The following ZSCAN9 variants were observed in gnomAD, a reference collection of about 807,000 sequenced individuals.
The protein encoded by ZSCAN9 is zinc finger and SCAN domain containing 9, also known as zinc finger and SCAN domain-containing protein 9.
Under a neutral mutation model 23.0 loss-of-function variants are expected in ZSCAN9, and 19 were observed. The observed-to-expected ratio is 0.83, with a 90% CI of 0.58 to 1.21. The LOEUF (loss-of-function observed/expected upper bound fraction) is 1.21, where lower values mean the gene tolerates loss of function less well. ZSCAN9 is among the 50% of genes most tolerant of loss of function. The pLI, the probability that ZSCAN9 is intolerant of heterozygous loss-of-function variation, is 0.00. For missense variants in ZSCAN9, 467 were observed against 471.5 expected (o/e 0.99, Z 0.09); for synonymous variants, 155 against 164.8 (o/e 0.94, Z 0.46).
At position 28,232,940 on chromosome 6, in the gene ZSCAN9, G is replaced by A; in HGVS notation, c.947G>A (p.Gly316Glu). ...IQKRYHCKEC[G>E]KVFSQSAGLI... ...AAACGGTACCACTGCAAGGAGTGTG[G>A]GAAGGTCTTCAGTCAGAGTGCGGGT... The change falls in exon 4 of 4, where the codon GGG becomes GAG. Residue 316 changes from glycine to glutamate, a missense_variant. Physicochemically the swap from Gly to Glu is moderately conservative, Grantham distance 98. Transcript: ENST00000252207. The A allele has an allele frequency of 6.2e-7, 1 of 1,614,174 alleles. No individual in the cohort carries two copies. The highest frequency in any genetic ancestry group is 8.5e-7 in the Non-Finnish European group (1 of 1,180,040).
chr6:28,227,200 G>T lies in ZSCAN9; in HGVS notation c.116G>T (p.Arg39Ile), dbSNP rs916447406. 6.8e-6 allele frequency: 11 copies of T among 1,614,212 alleles called. No individual in the cohort carries two copies. Among genetic ancestry groups the T allele is most frequent in the Non-Finnish European group, 9.3e-6 (11 of 1,180,034 alleles). The change falls in exon 2 of 4, where the codon AGA (arginine) becomes ATA (isoleucine). Residue 39 changes from arginine to isoleucine, a missense_variant. Transcript: ENST00000252207. ...AGTCACCTTCAATGGCAGGAATCCA[G>T]ACTGAAACGCAGTAATCCACTGGCA... ...AKSHLQWQES[R>I]LKRSNPLARE...
chr6:28,227,323 G>T lies in ZSCAN9; in HGVS notation c.239G>T (p.Trp80Leu). Residue 80 changes from tryptophan (W) to leucine (L), a missense_variant, in exon 2 of 4, where the codon TGG becomes TTG. Physicochemically the swap from Trp to Leu is moderately conservative, Grantham distance 61. Transcript: ENST00000252207. ...CGACTCCAGGAACTTTGCTACCAGT[G>T]GTTGAGGCCACATGTGAGCACAAAG... ...LTRLQELCYQ[W>L]LRPHVSTKEQ... 1.2e-6 allele frequency: 2 copies of T among 1,614,200 alleles called. No homozygotes were observed. Among genetic ancestry groups the T allele is most frequent in the Non-Finnish European group, 1.7e-6 (2 of 1,180,050 alleles).
In ZSCAN9 at chr6:28,227,788, A is replaced by G. The variant is rs758613887; in HGVS notation, c.519A>G (p.Pro173=). The change falls in exon 3 of 4, where the codon CCA becomes CCG. Residue 173 remains proline (P), a synonymous_variant. Transcript: ENST00000252207. ...CCCTTCAGTCCCAGCCTAAGGAGCC[A>G]CAGCTCACATGTGACTCTGCTCAGA... ...PLTLQSQPKE[P]QLTCDSAQKC... The G allele has an allele frequency of 1.2e-5, 20 of 1,613,544 alleles. No homozygotes were observed. The highest frequency in any genetic ancestry group is 1.7e-5 in the Non-Finnish European group (20 of 1,179,854).
chr6:28,227,018 G>A lies in ZSCAN9; in HGVS notation c.-67G>A, dbSNP rs989095294. The A allele has an allele frequency of 2.4e-5, 34 of 1,427,894 alleles. No homozygotes were observed. The highest frequency in any genetic ancestry group is 4.6e-5 in the East Asian group (2 of 43,656). The allele number at this position is 1,427,894 out of a possible 1,614,324, so 88.5% of individuals were successfully genotyped here. A position where few individuals can be genotyped will look rare whatever the true frequency, so the allele number is the denominator to read the frequency against. ...ATTTATTTTTACTGCTTAGGCAAGC[G>A]CCTCCAAGGTTTGTCTTGAAGCATA... On this transcript the variant is annotated 5_prime_UTR_variant, in exon 2 of 4. Coordinates refer to ENST00000252207, the MANE Select transcript of ZSCAN9 (RefSeq NM_006299.5).
In ZSCAN9 at chr6:28,233,184, G is replaced by C. The variant is rs374328559; in HGVS notation, c.*6G>C. 6 of 1,604,762 alleles carry C rather than the reference G, an allele frequency of 3.7e-6. No homozygotes were observed. The highest frequency in any genetic ancestry group is 1.7e-4 in the Middle Eastern group (1 of 6,032). ...CAGTGGCTGAGCTGGTCTAGGGCTTGGCTATGAGCAAGTTTTCCAGATCAC... is the reference window on the plus strand; with the variant it reads ...CAGTGGCTGAGCTGGTCTAGGGCTTCGCTATGAGCAAGTTTTCCAGATCAC... On this transcript the variant is annotated 3_prime_UTR_variant, in exon 4 of 4. Transcript: ENST00000252207.
chr6:28,230,635 C>G, intron 3 of ZSCAN9: 2 of 664,530 alleles, frequency 3.0e-6, no homozygotes, highest in Admixed American at 6.0e-5. Context: ...AGGCATGTTT[C>G]TCAGGAATAA....
chr6:28,232,782 T>TACTCAGAGC lies in ZSCAN9; in HGVS notation c.790_798dup (p.Thr264_Ser266dup). 1 of 1,614,208 alleles carries TACTCAGAGC rather than the reference T, an allele frequency of 6.2e-7. No homozygotes were observed. Among genetic ancestry groups the TACTCAGAGC allele is most frequent in the South Asian group, 1.1e-5 (1 of 91,074 alleles). Reference sequence around the variant, plus strand: ...AATGTGATGAATGTGGGAAGAGCTTTACTCAGAGCTCAGGTCTCATTCGAC... The same window carrying TACTCAGAGC: ...AATGTGATGAATGTGGGAAGAGCTTTACTCAGAGCACTCAGAGCTCAGGTCTCATTCGAC... On this transcript the variant is annotated inframe_insertion, in exon 4 of 4. Transcript: ENST00000252207.
At chr6:28,226,104 CT>C (rs150716918) in intron 1 of ZSCAN9, among the ~76,000 whole-genome samples, 3,710 of 152,320 alleles carry the variant, frequency 0.024, 84 homozygotes, top group African/African-American at 0.067. Context: ...ATCTACTTAA[CT>C]TTCCCTGGCT....
At chr6:28,226,537 A>G (rs1000483708) in intron 1 of ZSCAN9, among the ~76,000 whole-genome samples, 1 of 152,214 alleles carries the variant, frequency 6.6e-6, no homozygotes, top group Non-Finnish European at 1.5e-5. Flanking sequence ...TCTGTGAAGC[A>G]TTATTGCTAT....
At chr6:28,230,433 C>A (rs760346389) in intron 3 of ZSCAN9, 8 of 1,536,036 alleles carry the variant, frequency 5.2e-6, no homozygotes, top group Non-Finnish European at 7.0e-6. Flanking sequence ...CTGTTGTGAT[C>A]CCCCAGCTAA....
chr6:28,230,106 C>T (rs1021577603), intron 3 of ZSCAN9, among the ~76,000 whole-genome samples: 3 of 152,178 alleles, frequency 2.0e-5, no homozygotes, highest in African/African-American at 4.8e-5. Flanking sequence ...ATTCGCCCGC[C>T]TCGGCCTCCC....
chr6:28,231,270 C>A (rs1370925977), intron 3 of ZSCAN9, among the ~76,000 whole-genome samples: 1 of 152,100 alleles, frequency 6.6e-6, no homozygotes, highest in Non-Finnish European at 1.5e-5. Flanking sequence ...TATGTAAACA[C>A]AAGCACTGAG....
Position 28,227,854 on chromosome 6 carries a change from A to T in ZSCAN9, c.568+17A>T, listed in dbSNP as rs1341189750. 6.2e-7 allele frequency: 1 copy of T among 1,613,210 alleles called. No homozygotes were observed. Among genetic ancestry groups the T allele is most frequent in the South Asian group, 1.1e-5 (1 of 91,012 alleles). On this transcript the variant is annotated intron_variant, in intron 3 of 3. Coordinates refer to ENST00000252207, the MANE Select transcript of ZSCAN9 (RefSeq NM_006299.5). ...GAGAGACAGGTGAGGGACAGCATTT[A>T]TTTGATGTTGAACGAATCCCACCTG... is the stretch of plus-strand genomic sequence containing the variant.
Position 28,227,487 on chromosome 6 carries a change from G to A in ZSCAN9, c.403G>A (p.Asp135Asn), listed in dbSNP as rs756010107. Reference sequence around the variant, plus strand: ...GCTGGAGGATCTGGAGAGAGAGCTCGATGAACCACAACATGAGGTAGGAAG... The same window carrying A: ...GCTGGAGGATCTGGAGAGAGAGCTCAATGAACCACAACATGAGGTAGGAAG... Reference protein sequence around the residue: ...ILLEDLERELDEPQHEMVAHR... With the variant: ...ILLEDLERELNEPQHEMVAHR... The change falls in exon 2 of 4, where the codon GAT (aspartate) becomes AAT (asparagine). Residue 135 changes from aspartate (D) to asparagine (N), a missense_variant. Asp to Asn is a conservative substitution (Grantham distance 23). Transcript: ENST00000252207. 2.5e-6 allele frequency: 4 copies of A among 1,600,148 alleles called. No individual in the cohort carries two copies. The highest frequency in any genetic ancestry group is 1.7e-5 in the Admixed American group (1 of 57,384).
Position 28,227,390 on chromosome 6 carries a change from C to T in ZSCAN9, c.306C>T (p.Ser102=). The change falls in exon 2 of 4, where the codon TCC becomes TCT. Residue 102 remains serine (S), a synonymous_variant. Transcript: ENST00000252207. ...LDLLVLEQFL[S]ILPKELQGWV... ...TGCTGGTGCTGGAGCAGTTTCTATCCATTCTGCCCAAGGAGCTCCAGGGCT... is the reference window on the plus strand; with the variant it reads ...TGCTGGTGCTGGAGCAGTTTCTATCTATTCTGCCCAAGGAGCTCCAGGGCT... 1.9e-6 allele frequency: 3 copies of T among 1,614,192 alleles called. No individual in the cohort carries two copies. The highest frequency in any genetic ancestry group is 2.5e-6 in the Non-Finnish European group (3 of 1,180,040).
chr6:28,228,440 C>CAG (rs1317165760), intron 3 of ZSCAN9: 10 of 211,428 alleles, frequency 4.7e-5, no homozygotes, highest in Admixed American at 2.4e-4. Flanking sequence ...TGTATGCATA[C>CAG]AGAGAGAGAG....
Position 28,226,997 on chromosome 6 carries a change from A to T in ZSCAN9, c.-73-15A>T. On this transcript the variant is annotated splice_polypyrimidine_tract_variant and intron_variant, in intron 1 of 3. Coordinates refer to ENST00000252207, the MANE Select transcript of ZSCAN9 (RefSeq NM_006299.5). ...TATCATTTTTCTATATAAATAATTTATTTTTACTGCTTAGGCAAGCGCCTC... is the reference window on the plus strand; with the variant it reads ...TATCATTTTTCTATATAAATAATTTTTTTTTACTGCTTAGGCAAGCGCCTC... The T allele has an allele frequency of 8.5e-7, 1 of 1,175,406 alleles. No individual in the cohort carries two copies. Among genetic ancestry groups the T allele is most frequent in the Non-Finnish European group, 1.2e-6 (1 of 839,156 alleles). The allele number at this position is 1,175,406 out of a possible 1,614,324, so 72.8% of individuals were successfully genotyped here. A position where few individuals can be genotyped will look rare whatever the true frequency, so the allele number is the denominator to read the frequency against.
intron 3 of ZSCAN9, 97 bp from the exon 4 acceptor site, chr6:28,232,465 C>G: frequency 3.3e-6 from 5 of 1,509,626 alleles, no homozygotes; most frequent in Non-Finnish European, 2.6e-6. Flanking sequence ...TGTTTCTAGC[C>G]CACTTCCTTT....
chr6:28,230,435 C>T, intron 3 of ZSCAN9: 2 of 1,536,010 alleles, frequency 1.3e-6, no homozygotes, highest in South Asian at 1.2e-5. Context: ...GTTGTGATCC[C>T]CCAGCTAAAA....
Sources: gnomAD v4.1 joint callset for allele counts (sites outside exome capture counted in the v4.1 genomes callset) on GRCh38, gnomAD v4.1.1 for gene constraint, MANE v1.5 for transcripts, NCBI Gene and HGNC (gene_info 2026-07-23, HGNC 2026-07-21) for gene names.